The following COL22A1 variants were observed in gnomAD, a reference collection of about 807,000 sequenced individuals.
COL22A1 encodes the protein collagen alpha-1(XXII) chain.
In COL22A1, 221 loss-of-function variants were observed where a neutral mutation model predicts 248.9. The observed-to-expected ratio is 0.89, with a 90% CI of 0.80 to 0.99. The LOEUF (loss-of-function observed/expected upper bound fraction) is 0.99, where lower values mean the gene tolerates loss of function less well. Ranked by LOEUF, COL22A1 falls within the 50% of genes least tolerant of loss-of-function variation. The pLI is 0.00. For synonymous variants in COL22A1, 891 were observed against 793.4 expected, an observed-to-expected ratio of 1.12 and a Z score of -2.07; for missense variants, 2,240 against 2,179.0, an observed-to-expected ratio of 1.03 and a Z score of -0.56.
At chr8:138,643,160 T>C (rs188533287) in intron 47 of COL22A1, among the ~76,000 whole-genome samples, 474 of 152,082 alleles carry the variant, frequency 3.1e-3, no homozygotes, top group African/African-American at 0.01. Flanking sequence ...CCTCAGCTGG[T>C]GATCCCAGAA....
At chr8:138,682,607 C>T (rs1002096702) in intron 39 of COL22A1, among the ~76,000 whole-genome samples, 2 of 152,190 alleles carry the variant, frequency 1.3e-5, no homozygotes, top group Non-Finnish European at 2.9e-5. Context: ...CTGCCTCATG[C>T]CTCAGTGTCT....
chr8:138,896,400 G>A (rs1825415857), intron 1 of COL22A1, among the ~76,000 whole-genome samples: 1 of 152,166 alleles, frequency 6.6e-6, no homozygotes, highest in African/African-American at 2.4e-5. Context: ...TAAACTCAAA[G>A]TGGTAAAACA....
intron 43 of COL22A1, among the ~76,000 whole-genome samples, chr8:138,661,091 TACAC>T (rs141620549): frequency 4.4e-5 from 3 of 68,270 alleles, no homozygotes; most frequent in Non-Finnish European, 9.1e-5. Flanking sequence ...CACACAAACA[TACAC>T]ACACACACAC....
At chr8:138,907,710 G>A (rs991394266) in intron 1 of COL22A1, among the ~76,000 whole-genome samples, 11 of 152,126 alleles carry the variant, frequency 7.2e-5, no homozygotes, top group African/African-American at 2.7e-4. Context: ...CAGCGCTACA[G>A]GCTGGGAAAT....
intron 3 of COL22A1, among the ~76,000 whole-genome samples, chr8:138,876,624 T>C (rs1823735466): frequency 6.6e-6 from 1 of 152,146 alleles, no homozygotes; most frequent in Non-Finnish European, 1.5e-5. Flanking sequence ...GTTTCAGAAA[T>C]GGTTTAGCTG....
intron 6 of COL22A1, chr8:138,826,083 A>G (rs1303950984): frequency 6.5e-6 from 1 of 152,728 alleles, no homozygotes; most frequent in Non-Finnish European, 1.5e-5. Flanking sequence ...GGAACTTCTC[A>G]TGATGAGATT....
chr8:138,883,278 T>C, intron 1 of COL22A1, 34 bp from the exon 2 acceptor site: 3 of 1,195,108 alleles, frequency 2.5e-6, no homozygotes, highest in Non-Finnish European at 3.5e-6. Context: ...GAGAAGGCTC[T>C]CAAGCTGAAA....
intron 52 of COL22A1, among the ~76,000 whole-genome samples, chr8:138,622,326 T>C (rs1022876603): frequency 6.6e-6 from 1 of 152,196 alleles, no homozygotes; most frequent in Admixed American, 6.5e-5. Context: ...CAAAAGAAAC[T>C]GAAGCTCATA....
intron 43 of COL22A1, among the ~76,000 whole-genome samples, chr8:138,661,533 A>G (rs904755512): frequency 8.5e-5 from 13 of 152,216 alleles, no homozygotes; most frequent in African/African-American, 2.9e-4. Flanking sequence ...GCTCCTTCTT[A>G]GAGCTCAGAG....
intron 3 of COL22A1, among the ~76,000 whole-genome samples, chr8:138,857,681 A>G (rs1196592790): frequency 6.6e-6 from 1 of 152,232 alleles, no homozygotes; most frequent in African/African-American, 2.4e-5. Flanking sequence ...AACTGGGAAC[A>G]GCGGTTCCCT....
At chr8:138,864,069 GT>G (rs1822687062) in intron 3 of COL22A1, among the ~76,000 whole-genome samples, 1 of 152,240 alleles carries the variant, frequency 6.6e-6, no homozygotes, top group East Asian at 1.9e-4. Context: ...ACCTCCTCCA[GT>G]TTTACTTCAT....
In COL22A1 at chr8:138,884,554, A is replaced by T. The variant is rs188443792; in HGVS notation, c.-72-1310T>A. On this transcript the variant is annotated intron_variant, in intron 1 of 64. Transcript: ENST00000303045. ...GTCTAATAAACAGAAAAATATTAAGATGGTGGCAAGGGAGTACGTCGGGAG... is the reference window on the plus strand; with the variant it reads ...GTCTAATAAACAGAAAAATATTAAGTTGGTGGCAAGGGAGTACGTCGGGAG... Among the ~76,000 whole-genome samples, 481 of 152,320 alleles carry T rather than the reference A, an allele frequency of 3.2e-3. 2 individuals are homozygous for T. The highest frequency in any genetic ancestry group is 5.9e-3 in the Non-Finnish European group (399 of 68,012).
intron 4 of COL22A1, among the ~76,000 whole-genome samples, chr8:138,834,994 A>C (rs1820320942): frequency 6.6e-6 from 1 of 152,192 alleles, no homozygotes; most frequent in Non-Finnish European, 1.5e-5. Context: ...ATGAAGAGTC[A>C]GTGAGCAGGG....
chr8:138,669,885 CTT>C (rs34714342), intron 41 of COL22A1, among the ~76,000 whole-genome samples: 51,934 of 120,150 alleles, frequency 0.43, 10,620 homozygotes, highest in East Asian at 0.61. Flanking sequence ...ACTCCTAAGA[CTT>C]TTTTTTTTTT....
At chr8:138,607,767 T>G (rs1818538458) in intron 57 of COL22A1, among the ~76,000 whole-genome samples, 169 bp downstream of exon 57, 1 of 152,116 alleles carries the variant, frequency 6.6e-6, no homozygotes, top group Non-Finnish European at 1.5e-5. Flanking sequence ...CTTTAAACCT[T>G]AAAAAATGGC....
At chr8:138,606,101 G>A (rs557876717) in intron 58 of COL22A1, among the ~76,000 whole-genome samples, 23 of 152,246 alleles carry the variant, frequency 1.5e-4, no homozygotes, top group African/African-American at 4.6e-4. Flanking sequence ...AGATGCTGTC[G>A]TTATCCTCGT....
At chr8:138,720,063 C>A (rs1829753047) in intron 27 of COL22A1, among the ~76,000 whole-genome samples, 1 of 152,186 alleles carries the variant, frequency 6.6e-6, no homozygotes, top group Admixed American at 6.5e-5. Context: ...GCAGTCACTC[C>A]TGGAGGGGGC....
chr8:138,791,377 A>C (rs1432136531), intron 12 of COL22A1, among the ~76,000 whole-genome samples: 1 of 152,212 alleles, frequency 6.6e-6, no homozygotes, highest in East Asian at 1.9e-4. Flanking sequence ...CATGTCCAGC[A>C]GGATGTGCAC....
chr8:138,874,968 G>A (rs546188052), intron 3 of COL22A1, among the ~76,000 whole-genome samples: 39 of 152,152 alleles, frequency 2.6e-4, no homozygotes, highest in African/African-American at 7.7e-4. Flanking sequence ...TAGTTCCTGC[G>A]TACCTCAGTA....
Sources: gnomAD v4.1 joint callset for allele counts (sites outside exome capture counted in the v4.1 genomes callset) on GRCh38, gnomAD v4.1.1 for gene constraint, MANE v1.5 for transcripts, NCBI Gene and HGNC (gene_info 2026-07-23, HGNC 2026-07-21) for gene names.